The following ABCC9 variants were observed in gnomAD, a reference collection of about 807,000 sequenced individuals.
ABCC9 encodes the protein ATP binding cassette subfamily C member 9.
ABCC9 carries 95 observed loss-of-function variants against 188.3 expected under a neutral mutation model. That is an observed-to-expected ratio of 0.50 (90% CI 0.43 to 0.60). The LOEUF (loss-of-function observed/expected upper bound fraction) is 0.60. Ranked by LOEUF, ABCC9 falls within the 20% of genes least tolerant of loss-of-function variation. ABCC9 has a pLI of 0.00. For synonymous variants in ABCC9, 659 were observed against 652.7 expected (o/e 1.01, Z -0.15); for missense variants, 1,102 against 1,876.3 (o/e 0.59, Z 7.62).
At chr12:21,905,787 A>G (rs1351475758) in intron 12 of ABCC9, among the ~76,000 whole-genome samples, 1 of 152,134 alleles carries the variant, frequency 6.6e-6, no homozygotes, top group Non-Finnish European at 1.5e-5. Context: ...AACTGATACC[A>G]GGGTTTTAAT....
At chr12:21,803,244 G>C (rs1253672265) in intron 39 of ABCC9, among the ~76,000 whole-genome samples, 1 of 151,976 alleles carries the variant, frequency 6.6e-6, no homozygotes, top group Non-Finnish European at 1.5e-5. Context: ...AAAAATATTA[G>C]CTGTTCAATA....
rs745622324 is a variant in ABCC9, at chr12:21,852,395, T to C, written c.2616A>G (p.Lys872=). The C allele has an allele frequency of 3.7e-6, 6 of 1,614,014 alleles. No individual in the cohort carries two copies. In the South Asian group the frequency reaches 6.6e-5, roughly 18 times the overall value. The stretch of plus-strand genomic sequence containing the variant: ...AGTCAGCATGCGTCAGATACTGTAA[T>C]TTGTGAGTCACAAGAACGAGTGTCC... ...DKRTLVLVTH[K]LQYLTHADWI... The change falls in exon 23 of 40, where the codon AAA becomes AAG. Residue 872 remains lysine (K), a synonymous_variant. Transcript: ENST00000261200.
chr12:21,851,353 A>G lies in ABCC9; in HGVS notation c.2769+744T>C, dbSNP rs375297148. Among the ~76,000 whole-genome samples, 21 of 152,328 alleles carry G rather than the reference A, an allele frequency of 1.4e-4. No homozygotes were observed. The East Asian group carries it at 4.0e-3, about 29-fold the overall frequency. On this transcript the variant is annotated intron_variant, in intron 24 of 39. Coordinates refer to ENST00000261200, the MANE Select transcript of ABCC9 (RefSeq NM_020297.4). The stretch of plus-strand genomic sequence containing the variant: ...ATACTTACATCACCCATAACATTAT[A>G]GTGTAATTACACCGGATATGCACTT...
intron 15 of ABCC9, among the ~76,000 whole-genome samples, chr12:21,886,068 A>G (rs1461105267): frequency 6.6e-6 from 1 of 152,150 alleles, no homozygotes; most frequent in Non-Finnish European, 1.5e-5. Context: ...TACTTTGTGA[A>G]ATATATTAAT....
intron 16 of ABCC9, 101 bp from the exon 17 acceptor site, chr12:21,875,827 G>T: frequency 1.1e-6 from 1 of 900,828 alleles, no homozygotes; most frequent in Non-Finnish European, 1.7e-6. Flanking sequence ...GCTCATGCCT[G>T]TAATCACAGC....
At chr12:21,871,388 G>A (rs1055776139) in intron 18 of ABCC9, among the ~76,000 whole-genome samples, 5 of 152,132 alleles carry the variant, frequency 3.3e-5, no homozygotes, top group Admixed American at 6.5e-5. Flanking sequence ...AGATTTGCTC[G>A]ACAGGGATAA....
At chr12:21,801,376 A>C (rs544613142) in intron 39 of ABCC9, among the ~76,000 whole-genome samples, 195 bp from the exon 40 acceptor site, 1 of 152,206 alleles carries the variant, frequency 6.6e-6, no homozygotes, top group South Asian at 2.1e-4. Flanking sequence ...AGCAATGGCC[A>C]ATATGGCTGG....
chr12:21,902,856 A>G (rs1042774129), intron 12 of ABCC9, among the ~76,000 whole-genome samples: 1 of 152,206 alleles, frequency 6.6e-6, no homozygotes, highest in Non-Finnish European at 1.5e-5. Context: ...GAATTCTACC[A>G]GAGGTACAAG....
At chr12:21,887,233 A>T (rs892222258) in intron 15 of ABCC9, among the ~76,000 whole-genome samples, 7 of 152,218 alleles carry the variant, frequency 4.6e-5, no homozygotes, top group African/African-American at 1.7e-4. Flanking sequence ...TTTTATGTAG[A>T]TACTAAGTAA....
intron 19 of ABCC9, among the ~76,000 whole-genome samples, chr12:21,863,947 G>C (rs1472663142): frequency 6.6e-6 from 1 of 152,072 alleles, no homozygotes; most frequent in African/African-American, 2.4e-5. Context: ...CAGTCTCTGA[G>C]ATAATCATAT....
intron 4 of ABCC9, among the ~76,000 whole-genome samples, chr12:21,928,384 GAAA>G (rs1183097824): frequency 7.1e-6 from 1 of 141,198 alleles, no homozygotes; most frequent in Admixed American, 7.3e-5. Context: ...AAGAGAGAAA[GAAA>G]AGAGGAAGGG....
chr12:21,864,367 T>G, intron 19 of ABCC9, 72 bp downstream of exon 19: 15 of 1,136,552 alleles, frequency 1.3e-5, no homozygotes, highest in South Asian at 2.5e-5. Flanking sequence ...GTAAGCAAAA[T>G]GAGATTAAAG....
At position 21,859,614 on chromosome 12, in the gene ABCC9, A is replaced by T; in HGVS notation, c.2477T>A (p.Leu826Gln). Residue 826 changes from leucine (L) to glutamine (Q), a missense_variant, in exon 22 of 40, where the codon CTG becomes CAG. Around this residue, in one of 12 missense-constraint regions of ABCC9, gnomAD observed 31 missense variants for 78.8 expected, o/e 0.39. Coordinates refer to ENST00000261200, the MANE Select transcript of ABCC9 (RefSeq NM_020297.4). ...QRQRICVARA[L>Q]YQNTNIVFLD... is the part of the protein sequence containing the mutation. ...AAAGACAATGTTGGTGTTTTGATAC[A>T]GCGCTCGTGCCACACAGATTCTCTG... The T allele has an allele frequency of 1.9e-6, 3 of 1,613,950 alleles. No individual in the cohort carries two copies. Among genetic ancestry groups the T allele is most frequent in the Non-Finnish European group, 2.5e-6 (3 of 1,179,864 alleles).
At position 21,799,259 on chromosome 12, in the gene ABCC9, T is replaced by TAAAAAAAAAAA. The variant is rs536748638; in HGVS notation, c.*1774_*1784dup. 3 of 118,426 alleles carry TAAAAAAAAAAA rather than the reference T, an allele frequency of 2.5e-5. No individual in the cohort carries two copies. The highest frequency in any genetic ancestry group is 3.1e-5 in the African/African-American group (1 of 31,858). 7.3% of individuals were successfully genotyped at this position (118,426 alleles called of 1,614,324 possible). A position where few individuals can be genotyped will look rare whatever the true frequency, so the allele number is the denominator to read the frequency against. On this transcript the variant is annotated 3_prime_UTR_variant, in exon 40 of 40. Coordinates refer to ENST00000261200, the MANE Select transcript of ABCC9 (RefSeq NM_020297.4). ...ACTTAAAGTATATTAAAAAAAAAAT[T>TAAAAAAAAAAA]AAAAAAAAAAAAGAAAAAAAAAAGA...
intron 2 of ABCC9, among the ~76,000 whole-genome samples, chr12:21,937,745 A>G (rs1360148737): frequency 6.6e-6 from 1 of 152,154 alleles, no homozygotes; most frequent in Non-Finnish European, 1.5e-5. Context: ...ATCTTTTACA[A>G]TGGAGGATAC....
chr12:21,848,648 T>C (rs1479119011), intron 24 of ABCC9, among the ~76,000 whole-genome samples: 1 of 152,188 alleles, frequency 6.6e-6, no homozygotes, highest in African/African-American at 2.4e-5. Flanking sequence ...AAAGAGCACA[T>C]GGTTCCAAGT....
chr12:21,883,377 G>A (rs1370940245), intron 15 of ABCC9, among the ~76,000 whole-genome samples: 1 of 152,164 alleles, frequency 6.6e-6, no homozygotes, highest in African/African-American at 2.4e-5. Flanking sequence ...AGATCTGATG[G>A]TTTTACATAG....
intron 18 of ABCC9, among the ~76,000 whole-genome samples, chr12:21,867,255 G>C (rs1424714638): frequency 6.6e-6 from 1 of 152,064 alleles, no homozygotes; most frequent in Non-Finnish European, 1.5e-5. Flanking sequence ...ATCAAATTCA[G>C]TTGTGGAAGG....
chr12:21,830,776 A>G (rs1943708198), intron 30 of ABCC9, among the ~76,000 whole-genome samples: 1 of 152,208 alleles, frequency 6.6e-6, no homozygotes, highest in Non-Finnish European at 1.5e-5. Context: ...TGAGTTGAGT[A>G]TCCATGACCC....
Sources: allele counts gnomAD v4.1 joint callset (sites outside exome capture counted in the v4.1 genomes callset), GRCh38; gene constraint gnomAD v4.1.1; regional missense constraint gnomAD v4.1.1; transcripts MANE v1.5; gene names NCBI Gene and HGNC (gene_info 2026-07-23, HGNC 2026-07-21).